The following FER variants were observed in gnomAD, a reference collection of about 807,000 sequenced individuals.
FER encodes FER tyrosine kinase, also known as tyrosine-protein kinase Fer.
FER carries 63 observed loss-of-function variants against 111.0 expected under a neutral mutation model. The observed-to-expected ratio is 0.57, with a 90% CI of 0.46 to 0.70. FER has a LOEUF of 0.70. Among genes scored for constraint, FER ranks in the 30% least tolerant of loss-of-function variants. The pLI, the probability that FER is intolerant of heterozygous loss-of-function variation, is 0.00. For synonymous variants in FER, 327 were observed against 313.9 expected (o/e 1.04, Z -0.44); for missense variants, 914 against 954.0 (o/e 0.96, Z 0.55).
chr5:108,786,932 T>C (rs927720150), intron 2 of FER, among the ~76,000 whole-genome samples: 2 of 152,208 alleles, frequency 1.3e-5, no homozygotes, highest in Non-Finnish European at 2.9e-5. Flanking sequence ...ATGATGGTGG[T>C]GGCAGCCTAT....
intron 3 of FER, among the ~76,000 whole-genome samples, chr5:108,809,019 A>T (rs1418335559): frequency 6.6e-6 from 1 of 151,796 alleles, no homozygotes; most frequent in African/African-American, 2.4e-5. Flanking sequence ...TGCCTTTAAG[A>T]TTTTTTTCTT....
intron 18 of FER, among the ~76,000 whole-genome samples, chr5:109,181,945 CT>C (rs1758336436): frequency 6.6e-6 from 1 of 152,132 alleles, no homozygotes; most frequent in Non-Finnish European, 1.5e-5. Context: ...ACCAATCTGC[CT>C]TTTATTTCTG....
At chr5:109,134,309 A>G (rs906949743) in intron 17 of FER, among the ~76,000 whole-genome samples, 1 of 152,180 alleles carries the variant, frequency 6.6e-6, no homozygotes, top group Non-Finnish European at 1.5e-5. Flanking sequence ...TCAATGTTAG[A>G]GTTTTATATA....
At chr5:109,105,684 A>C (rs977008836) in intron 17 of FER, among the ~76,000 whole-genome samples, 1 of 152,114 alleles carries the variant, frequency 6.6e-6, no homozygotes, top group Non-Finnish European at 1.5e-5. Flanking sequence ...TGCTGACTCC[A>C]TTCTGACACA....
chr5:108,926,404 T>C (rs187556536), intron 10 of FER, among the ~76,000 whole-genome samples: 16 of 152,286 alleles, frequency 1.1e-4, no homozygotes, highest in Non-Finnish European at 4.4e-5. Context: ...AGTTTTATTA[T>C]TTTTCTCATT....
chr5:109,173,149 A>G (rs1757318149), intron 17 of FER, among the ~76,000 whole-genome samples: 1 of 152,244 alleles, frequency 6.6e-6, no homozygotes, highest in Admixed American at 6.5e-5. Flanking sequence ...AACTCACCCA[A>G]GGAAATGAGA....
chr5:109,007,222 C>G (rs1765613256), intron 13 of FER, among the ~76,000 whole-genome samples: 1 of 152,140 alleles, frequency 6.6e-6, no homozygotes, highest in Non-Finnish European at 1.5e-5. Flanking sequence ...GTATAGTGAT[C>G]ATGTTGTCTT....
intron 3 of FER, among the ~76,000 whole-genome samples, chr5:108,805,200 A>C (rs1757072412): frequency 6.6e-6 from 1 of 151,908 alleles, no homozygotes; most frequent in African/African-American, 2.4e-5. Flanking sequence ...ATGAGATCCG[A>C]TGGTTTTAAA....
At chr5:108,904,789 G>A (rs1331847305) in intron 10 of FER, among the ~76,000 whole-genome samples, 2 of 152,138 alleles carry the variant, frequency 1.3e-5, no homozygotes, top group African/African-American at 2.4e-5. Flanking sequence ...TGAGAACAAT[G>A]TCAGTTATAG....
chr5:109,167,995 C>T (rs1756731643), intron 17 of FER, among the ~76,000 whole-genome samples: 1 of 151,794 alleles, frequency 6.6e-6, no homozygotes, highest in Admixed American at 6.6e-5. Flanking sequence ...ATGACACTGT[C>T]TCTTAGCTTA....
At chr5:108,826,868 A>AC (rs1759526994) in intron 3 of FER, among the ~76,000 whole-genome samples, 1 of 151,720 alleles carries the variant, frequency 6.6e-6, no homozygotes, top group Admixed American at 6.6e-5. Flanking sequence ...TTCTTTGCAG[A>AC]CTCCCAGCTC....
chr5:108,821,915 A>C (rs1314180847), intron 3 of FER, among the ~76,000 whole-genome samples: 1 of 152,128 alleles, frequency 6.6e-6, no homozygotes, highest in Admixed American at 6.5e-5. Flanking sequence ...AATTATTATT[A>C]ACTCTAGTTA....
rs1445577488 is a variant in FER, at chr5:108,894,954, G to A, written c.1047-2705G>A. Among the ~76,000 whole-genome samples, 4 of 152,118 alleles carry A rather than the reference G, an allele frequency of 2.6e-5. No homozygotes were observed. In the East Asian group the frequency reaches 7.7e-4, roughly 29 times the overall value. ...GGGCTACAATTTGAGATTTGGGTGA[G>A]GACACAGCCAAATCATATCGGGCTA... On this transcript the variant is annotated intron_variant, in intron 9 of 19. Transcript: ENST00000281092.
At chr5:108,883,617 C>G (rs1254515860) in intron 9 of FER, 99 bp downstream of exon 9, 1 of 1,070,906 alleles carries the variant, frequency 9.3e-7, no homozygotes, top group Non-Finnish European at 1.3e-6. Context: ...TTTCTAGAAA[C>G]AGAAACTTTT....
chr5:109,161,498 G>A (rs888372226), intron 17 of FER, among the ~76,000 whole-genome samples: 13 of 151,968 alleles, frequency 8.6e-5, no homozygotes, highest in Admixed American at 3.3e-4. Flanking sequence ...CCACTTATAA[G>A]CGAGAATATG....
intron 16 of FER, among the ~76,000 whole-genome samples, chr5:109,095,831 AT>A (rs929927310): frequency 1.3e-5 from 2 of 152,052 alleles, no homozygotes; most frequent in African/African-American, 4.8e-5. Context: ...TTACTAGCCT[AT>A]TTTTTAACAA....
chr5:108,851,874 G>A (rs970623434), intron 5 of FER, among the ~76,000 whole-genome samples: 2 of 152,164 alleles, frequency 1.3e-5, no homozygotes, highest in African/African-American at 4.8e-5. Flanking sequence ...ATGAGTAGGA[G>A]TCTGAATGCT....
chr5:108,793,316 T>C (rs911086579), intron 2 of FER, among the ~76,000 whole-genome samples: 1 of 152,174 alleles, frequency 6.6e-6, no homozygotes, highest in Middle Eastern at 3.2e-3. Context: ...TCTATCCATG[T>C]TGTTGCAGAT....
At chr5:109,096,831 A>C (rs1747591638) in intron 16 of FER, among the ~76,000 whole-genome samples, 1 of 151,726 alleles carries the variant, frequency 6.6e-6, no homozygotes, top group African/African-American at 2.4e-5. Context: ...ATTGGGATGA[A>C]TCAGGGAAAA....
Sources: allele counts gnomAD v4.1 joint callset (sites outside exome capture counted in the v4.1 genomes callset), GRCh38; gene constraint gnomAD v4.1.1; transcripts MANE v1.5; gene names NCBI Gene and HGNC (gene_info 2026-07-23, HGNC 2026-07-21).